Variants in FAR1 observed in about 807,000 individuals in gnomAD.
FAR1 encodes the protein male sterility domain-containing protein 2.
In FAR1, 22 loss-of-function variants were observed where a neutral mutation model predicts 61.1. The observed-to-expected ratio is 0.36, with a 90% confidence interval of 0.26 to 0.51. FAR1 has a LOEUF of 0.51. Ranked by LOEUF, FAR1 falls within the 20% of genes least tolerant of loss-of-function variation. The pLI, the probability that FAR1 is intolerant of heterozygous loss-of-function variation, is 0.95. For missense variants in FAR1, 359 were observed against 626.9 expected, an observed-to-expected ratio of 0.57 and a Z score of 4.56; for synonymous variants, 206 against 209.7, an observed-to-expected ratio of 0.98 and a Z score of 0.15.
intron 3 of FAR1, among the ~76,000 whole-genome samples, chr11:13,701,202 G>A (rs1401146597): frequency 6.6e-6 from 1 of 151,974 alleles, no homozygotes; most frequent in Non-Finnish European, 1.5e-5. Flanking sequence ...TGTAGACTTG[G>A]TATAGGTTTC....
chr11:13,713,986 A>T (rs1011563676), intron 8 of FAR1, among the ~76,000 whole-genome samples: 4 of 152,134 alleles, frequency 2.6e-5, no homozygotes, highest in Admixed American at 6.6e-5. Context: ...CATTTCTAGT[A>T]AAGTATTAAT....
chr11:13,720,471 G>A (rs1371190194), intron 9 of FAR1: 2 of 152,028 alleles, frequency 1.3e-5, no homozygotes, highest in Non-Finnish European at 2.9e-5. Flanking sequence ...TGCCTTAGAT[G>A]CTTGATAATT....
At chr11:13,693,632 G>T (rs562254708) in intron 1 of FAR1, among the ~76,000 whole-genome samples, 130 of 152,274 alleles carry the variant, frequency 8.5e-4, no homozygotes, top group African/African-American at 3.1e-3. Flanking sequence ...TCCTGACCTT[G>T]ATGTTTTCTC....
At chr11:13,715,961 T>C (rs1848550771) in intron 9 of FAR1, 1 of 152,224 alleles carries the variant, frequency 6.6e-6, no homozygotes, top group South Asian at 2.1e-4. Flanking sequence ...GTGGATTCAC[T>C]TTTCCATGAT....
chr11:13,695,332 A>C (rs1848296787), intron 2 of FAR1, among the ~76,000 whole-genome samples: 1 of 152,164 alleles, frequency 6.6e-6, no homozygotes, highest in Non-Finnish European at 1.5e-5. Flanking sequence ...TGCTTTGATA[A>C]AATTTATAAA....
intron 1 of FAR1, among the ~76,000 whole-genome samples, chr11:13,677,381 G>A (rs1048129277): frequency 6.6e-6 from 1 of 152,156 alleles, no homozygotes; most frequent in African/African-American, 2.4e-5. Flanking sequence ...TTGCCTAACA[G>A]CATTTAGTTG....
At chr11:13,670,831 A>G (rs990935364) in intron 1 of FAR1, among the ~76,000 whole-genome samples, 1 of 151,852 alleles carries the variant, frequency 6.6e-6, no homozygotes, top group Non-Finnish European at 1.5e-5. Flanking sequence ...GCAGAGACTG[A>G]GGTCAGAGAA....
In FAR1 at chr11:13,714,583, T is replaced by G. The variant is rs1371208734; in HGVS notation, c.1030T>G (p.Ser344Ala). 1 of 1,613,538 alleles carries G rather than the reference T, an allele frequency of 6.2e-7. No homozygotes were observed. Among genetic ancestry groups the G allele is most frequent in the Non-Finnish European group, 8.5e-7 (1 of 1,179,672 alleles). The change falls in exon 9 of 12, where the codon TCC (serine) becomes GCC (alanine). Residue 344 changes from serine to alanine, a missense_variant. Ser to Ala is a moderately conservative substitution (Grantham distance 99). Around this residue, in one of 2 missense-constraint regions of FAR1, gnomAD observed 344 missense variants for 570.3 expected, o/e 0.60. Transcript: ENST00000354817. ...CAGACGGCCCAATGTAAATCTAACCTCCAATCATCTTTTATATCATTACTG... is the reference window on the plus strand; with the variant it reads ...CAGACGGCCCAATGTAAATCTAACCGCCAATCATCTTTTATATCATTACTG... ...AFRRPNVNLT[S>A]NHLLYHYWIA...
intron 10 of FAR1, among the ~76,000 whole-genome samples, chr11:13,725,631 A>G (rs1161393893): frequency 6.6e-6 from 1 of 152,184 alleles, no homozygotes; most frequent in African/African-American, 2.4e-5. Flanking sequence ...AATGTACTCT[A>G]GTGAGTTCCT....
At chr11:13,687,544 T>C (rs1194292003) in intron 1 of FAR1, among the ~76,000 whole-genome samples, 1 of 152,202 alleles carries the variant, frequency 6.6e-6, no homozygotes, top group African/African-American at 2.4e-5. Context: ...TCTAGTTGCT[T>C]CTGGCCACTC....
intron 9 of FAR1, among the ~76,000 whole-genome samples, chr11:13,719,191 C>T (rs577208761): frequency 6.6e-6 from 1 of 152,254 alleles, no homozygotes; most frequent in African/African-American, 2.4e-5. Context: ...AAATTAATAT[C>T]TTTCCTAAAT....
chr11:13,698,656 C>G (rs1431551011), intron 2 of FAR1, among the ~76,000 whole-genome samples: 1 of 151,982 alleles, frequency 6.6e-6, no homozygotes, highest in African/African-American at 2.4e-5. Flanking sequence ...TGGTGAAACC[C>G]CGTCTCTACT....
chr11:13,728,318 A>C (rs1848686904), intron 11 of FAR1, among the ~76,000 whole-genome samples: 1 of 151,868 alleles, frequency 6.6e-6, no homozygotes, highest in East Asian at 1.9e-4. Flanking sequence ...TAACTGAAAG[A>C]GTAAGTTACT....
chr11:13,725,744 T>C (rs1359975674), intron 10 of FAR1, among the ~76,000 whole-genome samples: 1 of 152,150 alleles, frequency 6.6e-6, no homozygotes, highest in Non-Finnish European at 1.5e-5. Flanking sequence ...TAGATATGTC[T>C]TTTGTAAGCA....
intron 2 of FAR1, among the ~76,000 whole-genome samples, chr11:13,696,182 T>C (rs985849152): frequency 5.9e-5 from 9 of 152,220 alleles, no homozygotes; most frequent in African/African-American, 2.2e-4. Flanking sequence ...GTAATTGGTA[T>C]GTTTTAATTT....
chr11:13,672,141 T>A (rs1211057933), intron 1 of FAR1, among the ~76,000 whole-genome samples: 4 of 152,192 alleles, frequency 2.6e-5, no homozygotes, highest in African/African-American at 9.7e-5. Flanking sequence ...TTTGGGCTGG[T>A]AGTTAATTGT....
At chr11:13,691,826 A>C (rs1848253329) in intron 1 of FAR1, among the ~76,000 whole-genome samples, 1 of 152,140 alleles carries the variant, frequency 6.6e-6, no homozygotes, top group African/African-American at 2.4e-5. Flanking sequence ...GCTGCTATAG[A>C]TTGAGTATCC....
rs754547828 is a variant in FAR1, at chr11:13,714,493, A to G, written c.956-16A>G. ...ATGGTTATTATCAAAGCTGTTACAC[A>G]ACTTTTCTTCTTCAGAGTACCATGT... On this transcript the variant is annotated splice_polypyrimidine_tract_variant and intron_variant, in intron 8 of 11. Coordinates refer to ENST00000354817, the MANE Select transcript of FAR1 (RefSeq NM_032228.6). 6.3e-7 allele frequency: 1 copy of G among 1,596,252 alleles called. No homozygotes were observed. Among genetic ancestry groups the G allele is most frequent in the Non-Finnish European group, 8.5e-7 (1 of 1,174,576 alleles).
intron 1 of FAR1, among the ~76,000 whole-genome samples, chr11:13,674,321 A>G (rs1408209933): frequency 6.6e-6 from 1 of 152,046 alleles, no homozygotes; most frequent in Non-Finnish European, 1.5e-5. Context: ...AAAAAAAAAA[A>G]AAAGAAAAAA....
Sources: allele counts gnomAD v4.1 joint callset (sites outside exome capture counted in the v4.1 genomes callset), GRCh38; gene constraint gnomAD v4.1.1; regional missense constraint gnomAD v4.1.1; transcripts MANE v1.5; gene names NCBI Gene and HGNC (gene_info 2026-07-23, HGNC 2026-07-21).